Variants in DLG2 observed in about 807,000 individuals in gnomAD.
DLG2 encodes the protein discs large MAGUK scaffold protein 2.
DLG2 carries 45 observed loss-of-function variants against 132.5 expected under a neutral mutation model. The ratio of observed to expected loss-of-function variants is 0.34; its 90% CI spans 0.27 to 0.44. The LOEUF (loss-of-function observed/expected upper bound fraction) is 0.44, where lower values mean the gene tolerates loss of function less well. DLG2 is among the 20% of genes least tolerant of loss of function. The pLI, the probability that DLG2 is intolerant of heterozygous loss-of-function variation, is 1.00. For missense variants in DLG2, 1,045 were observed against 1,196.9 expected (o/e 0.87, Z 1.87); for synonymous variants, 424 against 419.6 (o/e 1.01, Z -0.13).
intron 10 of DLG2, among the ~76,000 whole-genome samples, chr11:84,066,141 A>G (rs2096667840): frequency 6.6e-6 from 1 of 152,170 alleles, no homozygotes; most frequent in South Asian, 2.1e-4. Context: ...CAGGTTTCAG[A>G]ATAAGCTATA....
chr11:84,355,069 A>G (rs980923004), intron 7 of DLG2, among the ~76,000 whole-genome samples: 5 of 152,098 alleles, frequency 3.3e-5, no homozygotes, highest in African/African-American at 9.7e-5. Context: ...TTTAGTTCAC[A>G]GTGTATAGTT....
intron 18 of DLG2, among the ~76,000 whole-genome samples, chr11:83,753,772 T>C (rs2093452370): frequency 7.3e-6 from 1 of 137,804 alleles, no homozygotes; most frequent in African/African-American, 2.8e-5. Context: ...ATATATGATA[T>C]GGCATATATA....
At chr11:83,714,535 T>C (rs755464418) in intron 18 of DLG2, among the ~76,000 whole-genome samples, 1 of 152,146 alleles carries the variant, frequency 6.6e-6, no homozygotes, top group Non-Finnish European at 1.5e-5. Flanking sequence ...TCTCAGGATA[T>C]ATTGAAGTGA....
intron 6 of DLG2, among the ~76,000 whole-genome samples, chr11:84,739,153 A>T (rs945520363): frequency 1.3e-5 from 2 of 152,174 alleles, no homozygotes; most frequent in Non-Finnish European, 2.9e-5. Context: ...AAACAGATCA[A>T]ATTTACATCA....
intron 6 of DLG2, among the ~76,000 whole-genome samples, chr11:84,726,513 T>C (rs2062479213): frequency 6.6e-6 from 1 of 152,220 alleles, no homozygotes; most frequent in Admixed American, 6.5e-5. Context: ...TGGTCTATTT[T>C]TGATGGACAT....
At chr11:84,921,031 C>A (rs544385787) in intron 6 of DLG2, among the ~76,000 whole-genome samples, 1 of 151,694 alleles carries the variant, frequency 6.6e-6, no homozygotes, top group African/African-American at 2.4e-5. Context: ...TTCAACAGAA[C>A]CAAGTGATAA....
intron 6 of DLG2, among the ~76,000 whole-genome samples, chr11:84,918,283 A>G (rs1157194990): frequency 6.6e-6 from 1 of 152,174 alleles, no homozygotes; most frequent in African/African-American, 2.4e-5. Context: ...TAAAATAATA[A>G]TGCAAGTTAT....
intron 11 of DLG2, among the ~76,000 whole-genome samples, chr11:84,012,674 C>G (rs921458435): frequency 2.6e-5 from 4 of 152,032 alleles, no homozygotes; most frequent in African/African-American, 9.7e-5. Context: ...AAGATTACTC[C>G]CCGTAGAGTA....
intron 15 of DLG2, among the ~76,000 whole-genome samples, chr11:83,906,079 C>CTATA (rs1316174646): frequency 2.9e-4 from 27 of 94,222 alleles, no homozygotes; most frequent in Admixed American, 4.0e-4. Flanking sequence ...CTCTCTCTCT[C>CTATA]TCTATATATA....
At chr11:84,636,689 C>G (rs2099640954) in intron 6 of DLG2, among the ~76,000 whole-genome samples, 1 of 152,012 alleles carries the variant, frequency 6.6e-6, no homozygotes, top group Non-Finnish European at 1.5e-5. Context: ...ATTCTATTAA[C>G]ATTTCTTAAG....
At chr11:83,460,137 G>A (rs2089610735) in intron 27 of DLG2, among the ~76,000 whole-genome samples, 1 of 152,208 alleles carries the variant, frequency 6.6e-6, no homozygotes, top group Admixed American at 6.5e-5. Flanking sequence ...TCCTGGATCA[G>A]TAACAAATGA....
chr11:84,516,579 A>T (rs2099273815), intron 7 of DLG2, among the ~76,000 whole-genome samples: 1 of 151,508 alleles, frequency 6.6e-6, no homozygotes, highest in Non-Finnish European at 1.5e-5. Context: ...AAAGTCTTCC[A>T]TTAAAGAAAG....
chr11:83,543,059 A>G (rs572006054), intron 19 of DLG2, among the ~76,000 whole-genome samples: 1 of 152,288 alleles, frequency 6.6e-6, no homozygotes, highest in South Asian at 2.1e-4. Flanking sequence ...CATGGCAACA[A>G]GAAAGAGCTG....
intron 3 of DLG2, among the ~76,000 whole-genome samples, chr11:85,362,465 A>G (rs1377742560): frequency 1.3e-5 from 2 of 151,976 alleles, no homozygotes; most frequent in Non-Finnish European, 2.9e-5. Flanking sequence ...TTGATTTTGT[A>G]TCCTGCAGCT....
chr11:84,115,428 A>C (rs1233964130), intron 9 of DLG2, among the ~76,000 whole-genome samples: 1 of 152,224 alleles, frequency 6.6e-6, no homozygotes, highest in South Asian at 2.1e-4. Flanking sequence ...CCTTAGGAGT[A>C]TATTTGCTTT....
At chr11:84,407,979 A>T (rs1401624392) in intron 7 of DLG2, among the ~76,000 whole-genome samples, 2 of 152,200 alleles carry the variant, frequency 1.3e-5, no homozygotes, top group African/African-American at 4.8e-5. Context: ...CACCTTTACA[A>T]GTTAAACAGA....
At chr11:83,633,952 G>A (rs868500317) in intron 18 of DLG2, among the ~76,000 whole-genome samples, 14 of 137,046 alleles carry the variant, frequency 1.0e-4, no homozygotes, top group African/African-American at 4.6e-4. Context: ...AAAGCAAAAA[G>A]CAAAAAACAA....
intron 3 of DLG2, among the ~76,000 whole-genome samples, chr11:85,427,904 T>C (rs2090887052): frequency 6.6e-6 from 1 of 152,114 alleles, no homozygotes; most frequent in African/African-American, 2.4e-5. Flanking sequence ...AAGACACACA[T>C]AGGCTCAAAA....
At chr11:83,806,548 T>C (rs1241257578) in intron 17 of DLG2, among the ~76,000 whole-genome samples, 1 of 152,182 alleles carries the variant, frequency 6.6e-6, no homozygotes, top group African/African-American at 2.4e-5. Context: ...CACACGATGT[T>C]CTGTGATTTG....
Sources: allele counts gnomAD v4.1 joint callset (sites outside exome capture counted in the v4.1 genomes callset), GRCh38; gene constraint gnomAD v4.1.1; transcripts MANE v1.5; gene names NCBI Gene and HGNC (gene_info 2026-07-23, HGNC 2026-07-21).